Variants in UGT3A2 observed in about 807,000 individuals in gnomAD.
UGT3A2 encodes the protein UDP-glycosyltransferase 3A2.
In UGT3A2, 32 loss-of-function variants were observed where a neutral mutation model predicts 39.8. That is an observed-to-expected ratio of 0.80 (90% confidence interval 0.61 to 1.08). The LOEUF (loss-of-function observed/expected upper bound fraction) is 1.08. Among genes scored for constraint, UGT3A2 ranks in the 50% least tolerant of loss-of-function variants. UGT3A2 has a pLI of 0.00. For missense variants in UGT3A2, 611 were observed against 637.1 expected, an observed-to-expected ratio of 0.96 and a Z score of 0.44; for synonymous variants, 241 against 230.7, an observed-to-expected ratio of 1.04 and a Z score of -0.40.
At chr5:36,053,692 T>C (rs1431677355) in intron 2 of UGT3A2, among the ~76,000 whole-genome samples, 1 of 152,188 alleles carries the variant, frequency 6.6e-6, no homozygotes, top group African/African-American at 2.4e-5. Flanking sequence ...CACAAGGTAT[T>C]GTCTTATAGT....
intron 2 of UGT3A2, among the ~76,000 whole-genome samples, chr5:36,056,681 C>G (rs770409619): frequency 6.6e-6 from 1 of 152,236 alleles, no homozygotes; most frequent in African/African-American, 2.4e-5. Flanking sequence ...ATACAATTGG[C>G]TTTCTCTACA....
chr5:36,064,352 T>C lies in UGT3A2; in HGVS notation c.95-2A>G. On this transcript the variant is annotated splice_acceptor_variant, in intron 1 of 6. Coordinates refer to ENST00000282507, the MANE Select transcript of UGT3A2 (RefSeq NM_174914.4). LOFTEE classifies it high-confidence loss of function. The stretch of plus-strand genomic sequence containing the variant: ...CCATCAGTAGATAATGGCTTCCACC[T>C]AGGAACAATGCACAACTTCAGTTCT... 1 of 1,612,950 alleles carries C rather than the reference T, an allele frequency of 6.2e-7. No individual in the cohort carries two copies. Among genetic ancestry groups the C allele is most frequent in the Non-Finnish European group, 8.5e-7 (1 of 1,178,960 alleles).
At chr5:36,057,612 T>G (rs1249250499) in intron 2 of UGT3A2, among the ~76,000 whole-genome samples, 1 of 151,752 alleles carries the variant, frequency 6.6e-6, no homozygotes, top group Non-Finnish European at 1.5e-5. Flanking sequence ...AATGGCTCAC[T>G]GCAGCTTCAG....
At chr5:36,036,023 G>A in intron 6 of UGT3A2, 49 bp from the exon 7 acceptor site, 1 of 1,592,504 alleles carries the variant, frequency 6.3e-7, no homozygotes, top group Non-Finnish European at 8.6e-7. Flanking sequence ...CCTCACAAGA[G>A]TTAGAATGTA....
At chr5:36,051,795 T>C in intron 3 of UGT3A2, 75 bp downstream of exon 3, 1 of 1,064,990 alleles carries the variant, frequency 9.4e-7, no homozygotes, top group Non-Finnish European at 1.4e-6. Context: ...TCATTCCAAG[T>C]ATCCATGCAT....
rs77439669 is a variant in UGT3A2 at position 36,037,084 on chromosome 5, G to T, written c.1295+713C>A. Among the ~76,000 whole-genome samples the T allele has an allele frequency of 2.0e-5, 3 of 152,252 alleles. No homozygotes were observed. In the East Asian group the frequency reaches 5.8e-4, roughly 29 times the overall value. ...CATTAAGCTAACTCTCCACTCTCTGGTTGGAAGGTGAGGGGGACAAATAAT... is the reference window on the plus strand; with the variant it reads ...CATTAAGCTAACTCTCCACTCTCTGTTTGGAAGGTGAGGGGGACAAATAAT... On this transcript the variant is annotated intron_variant, in intron 6 of 6. Transcript: ENST00000282507.
In UGT3A2 at chr5:36,049,461, T is replaced by C. The variant is rs763091557; in HGVS notation, c.312-41A>G. On this transcript the variant is annotated intron_variant, in intron 3 of 6. Transcript: ENST00000282507. The stretch of plus-strand genomic sequence containing the variant: ...GATAATAAATATTCATGGGAAGTGT[T>C]AAATTTACAGTACATAAAAGTATCT... The C allele has an allele frequency of 2.1e-6, 3 of 1,426,886 alleles. No homozygotes were observed. The African/African-American group carries it at 4.3e-5, about 20-fold the overall frequency. The allele number at this position is 1,426,886 out of a possible 1,614,324, so 88.4% of individuals were successfully genotyped here.
intron 1 of UGT3A2, 61 bp downstream of exon 1, chr5:36,066,635 G>C (rs1742887595): frequency 1.2e-6 from 2 of 1,609,198 alleles, no homozygotes; most frequent in Non-Finnish European, 1.7e-6. Flanking sequence ...GTTCTCTGGA[G>C]CCCTGGCAGT....
intron 2 of UGT3A2, among the ~76,000 whole-genome samples, chr5:36,055,265 T>C (rs1229301972): frequency 6.6e-6 from 1 of 151,900 alleles, no homozygotes; most frequent in Non-Finnish European, 1.5e-5. Context: ...AGTCTCGTTC[T>C]GTCACCCACC....
intron 2 of UGT3A2, among the ~76,000 whole-genome samples, chr5:36,059,220 G>A (rs942416689): frequency 5.3e-5 from 8 of 152,082 alleles, no homozygotes; most frequent in African/African-American, 1.2e-4. Context: ...CCAGATGAAC[G>A]AGAAACCCCA....
intron 6 of UGT3A2, 73 bp from the exon 7 acceptor site, chr5:36,036,047 A>G: frequency 2.0e-6 from 3 of 1,535,676 alleles, no homozygotes; most frequent in Non-Finnish European, 2.7e-6. Flanking sequence ...TCCGTTCTAT[A>G]TGATGCACCA....
chr5:36,059,361 CTTTTTTTT>C (rs35872759), intron 2 of UGT3A2, among the ~76,000 whole-genome samples: 1 of 118,744 alleles, frequency 8.4e-6, no homozygotes, highest in African/African-American at 3.2e-5. Context: ...TTTCTTTTCT[CTTTTTTTT>C]TTTTTTTTTT....
chr5:36,063,312 T>A (rs1742770621), intron 2 of UGT3A2, among the ~76,000 whole-genome samples: 1 of 152,168 alleles, frequency 6.6e-6, no homozygotes, highest in Admixed American at 6.5e-5. Context: ...ATCTGTTAAG[T>A]TCTCAGGGTT....
At chr5:36,059,928 A>T (rs1742634576) in intron 2 of UGT3A2, among the ~76,000 whole-genome samples, 1 of 152,174 alleles carries the variant, frequency 6.6e-6, no homozygotes, top group Non-Finnish European at 1.5e-5. Context: ...GGAACAGGAG[A>T]CTGGAGGGAC....
intron 2 of UGT3A2, among the ~76,000 whole-genome samples, chr5:36,058,765 G>GT (rs144315704): frequency 0.068 from 10,398 of 152,112 alleles, 1,274 homozygotes; most frequent in African/African-American, 0.24. Context: ...TTTGTCTTAG[G>GT]TTTTCATTTC....
intron 4 of UGT3A2, among the ~76,000 whole-genome samples, chr5:36,046,907 T>C (rs1188412826): frequency 1.3e-5 from 2 of 152,184 alleles, no homozygotes; most frequent in African/African-American, 2.4e-5. Flanking sequence ...AGTTAGTGTT[T>C]TGAAAGGAAA....
At chr5:36,064,467 A>C in intron 1 of UGT3A2, 117 bp from the exon 2 acceptor site, 1 of 922,482 alleles carries the variant, frequency 1.1e-6, no homozygotes, top group Non-Finnish European at 1.6e-6. Context: ...GATTGGAGGA[A>C]GATGAGTTTT....
chr5:36,061,090 T>C (rs1742683114), intron 2 of UGT3A2, among the ~76,000 whole-genome samples: 1 of 152,164 alleles, frequency 6.6e-6, no homozygotes, highest in Non-Finnish European at 1.5e-5. Context: ...CAGAATCGCT[T>C]GAACCTAGGT....
rs1217091328 is a variant in UGT3A2 at position 36,038,164 on chromosome 5, T to C, written c.1076-148A>G. 18 of 838,332 alleles carry C rather than the reference T, an allele frequency of 2.1e-5. No homozygotes were observed. The East Asian group carries it at 2.8e-4, about 13-fold the overall frequency. The allele number at this position is 838,332 out of a possible 1,614,324, so 51.9% of individuals were successfully genotyped here. A position where few individuals can be genotyped will look rare whatever the true frequency, so the allele number is the denominator to read the frequency against. On this transcript the variant is annotated intron_variant, in intron 5 of 6. Coordinates refer to ENST00000282507, the MANE Select transcript of UGT3A2 (RefSeq NM_174914.4). ...ATGACTGTGCTTGGGACACATCCAATGTTACAGTTCCAAGATACAAGATTC... is the reference window on the plus strand; with the variant it reads ...ATGACTGTGCTTGGGACACATCCAACGTTACAGTTCCAAGATACAAGATTC...
Sources: allele counts gnomAD v4.1 joint callset (sites outside exome capture counted in the v4.1 genomes callset), GRCh38; gene constraint gnomAD v4.1.1; transcripts MANE v1.5; gene names NCBI Gene and HGNC (gene_info 2026-07-23, HGNC 2026-07-21).